Variants in TSC22D3 observed in about 807,000 individuals in gnomAD.
The protein encoded by TSC22D3 is TSC22 domain family protein 3.
A neutral mutation model predicts 11.1 loss-of-function variants in TSC22D3; 4 were observed. The ratio of observed to expected loss-of-function variants is 0.36; its 90% CI spans 0.18 to 0.83. TSC22D3 has a LOEUF of 0.83. Ranked by LOEUF, TSC22D3 falls within the 40% of genes least tolerant of loss-of-function variation. TSC22D3 has a pLI of 0.48. For missense variants in TSC22D3, 118 were observed against 159.4 expected, an observed-to-expected ratio of 0.74 and a Z score of 1.40; for synonymous variants, 77 against 70.3, an observed-to-expected ratio of 1.10 and a Z score of -0.48.
At chrX:107,746,211 C>G (rs1327564599) in intron 1 of TSC22D3, among the ~76,000 whole-genome samples, 1 of 111,324 alleles carries the variant, frequency 9.0e-6, no homozygotes, top group Admixed American at 9.6e-5. Flanking sequence ...GCACCTCTCT[C>G]TGTATCTTAT....
chrX:107,733,304 T>C (rs927127767), intron 1 of TSC22D3, among the ~76,000 whole-genome samples: 4 of 111,874 alleles, frequency 3.6e-5, no homozygotes, highest in African/African-American at 1.3e-4. Flanking sequence ...GCATGCGCAC[T>C]TTCTACATGG....
chrX:107,761,658 C>G (rs771945725), intron 1 of TSC22D3, among the ~76,000 whole-genome samples: 2 of 111,892 alleles, frequency 1.8e-5, no homozygotes, highest in East Asian at 5.6e-4. Flanking sequence ...TCACAGTCTT[C>G]CTGATCCTGA....
chrX:107,751,252 C>T (rs951915965), intron 1 of TSC22D3, among the ~76,000 whole-genome samples: 5 of 111,855 alleles, frequency 4.5e-5, no homozygotes, highest in Non-Finnish European at 9.4e-5. Flanking sequence ...TGTCCCCTTT[C>T]TTCTGCAAAG....
chrX:107,738,384 T>TCCCCC (rs1361228727), intron 1 of TSC22D3, among the ~76,000 whole-genome samples: 1 of 112,799 alleles, frequency 8.9e-6, no homozygotes. Flanking sequence ...CTGTGCCTGC[T>TCCCCC]CCCCCAACCC....
chrX:107,754,395 A>G (rs1057077112), intron 1 of TSC22D3, among the ~76,000 whole-genome samples: 1 of 111,887 alleles, frequency 8.9e-6, no homozygotes, highest in Non-Finnish European at 1.9e-5. Flanking sequence ...TTCTTTATGC[A>G]CTACTTGGGC....
At chrX:107,763,737 A>G (rs1039237037) in intron 1 of TSC22D3, among the ~76,000 whole-genome samples, 1 of 111,794 alleles carries the variant, frequency 8.9e-6, no homozygotes, top group Admixed American at 9.5e-5. Flanking sequence ...TACAAAAACA[A>G]ATTTTCCTTC....
intron 1 of TSC22D3, among the ~76,000 whole-genome samples, chrX:107,735,023 C>A (rs1427218626): frequency 9.0e-6 from 1 of 111,078 alleles, no homozygotes; most frequent in Non-Finnish European, 1.9e-5. Flanking sequence ...ACTCTTCCCC[C>A]TTACCCGACC....
At chrX:107,759,161 C>T (rs1256606249) in intron 1 of TSC22D3, among the ~76,000 whole-genome samples, 1 of 111,417 alleles carries the variant, frequency 9.0e-6, no homozygotes, top group Admixed American at 9.5e-5. Context: ...CCACTGTGCC[C>T]GGCCCATCCT....
chrX:107,732,918 C>T (rs937490238), intron 1 of TSC22D3, among the ~76,000 whole-genome samples: 7 of 110,062 alleles, frequency 6.4e-5, no homozygotes, highest in African/African-American at 1.3e-4. Context: ...GGCAACATGA[C>T]GAAACGCCGT....
chrX:107,741,599 G>A (rs1335835251), intron 1 of TSC22D3, among the ~76,000 whole-genome samples: 1 of 112,874 alleles, frequency 8.9e-6, no homozygotes, highest in Non-Finnish European at 1.9e-5. Context: ...AGAAACTATT[G>A]GACTGTATCT....
intron 1 of TSC22D3, among the ~76,000 whole-genome samples, chrX:107,760,405 C>T (rs962847025): frequency 1.8e-5 from 2 of 112,884 alleles, no homozygotes; most frequent in African/African-American, 3.2e-5. Flanking sequence ...GACGAGAAGT[C>T]GGAAGATCAT....
intron 1 of TSC22D3, among the ~76,000 whole-genome samples, chrX:107,761,806 T>A (rs1929447112): frequency 8.9e-6 from 1 of 112,135 alleles, no homozygotes; most frequent in African/African-American, 3.2e-5. Flanking sequence ...AAAATCCACA[T>A]CTTAGGGCAT....
At chrX:107,735,623 C>G (rs1254966712) in intron 1 of TSC22D3, among the ~76,000 whole-genome samples, 1 of 110,637 alleles carries the variant, frequency 9.0e-6, no homozygotes, top group Non-Finnish European at 1.9e-5. Flanking sequence ...TCCAACCAAA[C>G]CCTCTCTCAC....
At chrX:107,755,746 CTT>C (rs1285499631) in intron 1 of TSC22D3, among the ~76,000 whole-genome samples, 1 of 112,354 alleles carries the variant, frequency 8.9e-6, no homozygotes, top group Non-Finnish European at 1.9e-5. Flanking sequence ...TCTACTGTGA[CTT>C]TGTGCATTCA....
intron 1 of TSC22D3, among the ~76,000 whole-genome samples, chrX:107,734,537 C>G (rs904092425): frequency 9.0e-6 from 1 of 111,399 alleles, no homozygotes; most frequent in Non-Finnish European, 1.9e-5. Flanking sequence ...GTCTCCCTCC[C>G]TCTGTCTGCT....
chrX:107,730,566 G>A (rs1927837335), intron 1 of TSC22D3, among the ~76,000 whole-genome samples: 1 of 111,758 alleles, frequency 8.9e-6, no homozygotes, highest in African/African-American at 3.3e-5. Flanking sequence ...TTTCAATTCA[G>A]GGACTAGCAG....
chrX:107,731,350 G>T (rs1927873114), intron 1 of TSC22D3, among the ~76,000 whole-genome samples: 1 of 111,840 alleles, frequency 8.9e-6, no homozygotes, highest in Non-Finnish European at 1.9e-5. Context: ...GGAAACTTGG[G>T]TTCTGGCCTG....
intron 1 of TSC22D3, among the ~76,000 whole-genome samples, chrX:107,720,711 A>G (rs1030309054): frequency 9.4e-6 from 1 of 106,852 alleles, no homozygotes; most frequent in Non-Finnish European, 1.9e-5. Context: ...AAAAGAAAAG[A>G]AAAGAAAAAA....
intron 1 of TSC22D3, among the ~76,000 whole-genome samples, chrX:107,728,658 T>TGGGG (rs1425677306): frequency 3.6e-5 from 4 of 110,859 alleles, no homozygotes; most frequent in Non-Finnish European, 7.6e-5. Flanking sequence ...ATGATGGGAG[T>TGGGG]GGGGGGAGGA....
Sources: gnomAD v4.1 joint callset for allele counts (sites outside exome capture counted in the v4.1 genomes callset) on GRCh38, gnomAD v4.1.1 for gene constraint, MANE v1.5 for transcripts, NCBI Gene and HGNC (gene_info 2026-07-23, HGNC 2026-07-21) for gene names.